Variants in PGBD5 observed in about 807,000 individuals in gnomAD.
The protein encoded by PGBD5 is piggyBac transposable element-derived protein 5.
PGBD5 carries 14 observed loss-of-function variants against 47.9 expected under a neutral mutation model. The observed-to-expected ratio is 0.29, with a 90% CI of 0.19 to 0.46. The LOEUF is 0.46. PGBD5 is among the 20% of genes least tolerant of loss of function. PGBD5 has a pLI of 1.00. For missense variants in PGBD5, 635 were observed against 716.0 expected (o/e 0.89, Z 1.29); for synonymous variants, 316 against 306.3 (o/e 1.03, Z -0.33).
chr1:230,368,602 C>T lies in PGBD5; in HGVS notation c.332-11281G>A, dbSNP rs114385785. ...GGATGATGACTCTTCAGGGCTTGAG[C>T]GTAGTCAGCAGCATCCCTGCAGCAC... On this transcript the variant is annotated intron_variant, in intron 1 of 6. Coordinates refer to ENST00000391860, the MANE Select transcript of PGBD5 (RefSeq NM_001258311.2). 8.5e-3 allele frequency among the ~76,000 whole-genome samples: 1,287 copies of T among 152,280 alleles called. 28 individuals are homozygous for T. Among genetic ancestry groups the T allele is most frequent in the African/African-American group, 0.029 (1,217 of 41,548 alleles).
chr1:230,386,148 G>A (rs1318221340), intron 1 of PGBD5, among the ~76,000 whole-genome samples: 1 of 152,046 alleles, frequency 6.6e-6, no homozygotes, highest in Non-Finnish European at 1.5e-5. Flanking sequence ...GCAACACAGC[G>A]AGACCCCATC....
intron 1 of PGBD5, among the ~76,000 whole-genome samples, chr1:230,411,249 C>A (rs1025105411): frequency 2.6e-5 from 4 of 152,202 alleles, no homozygotes; most frequent in African/African-American, 9.7e-5. Context: ...TGCCATCGCA[C>A]TCCAGCCTGG....
chr1:230,345,865 T>C (rs1262441016), intron 3 of PGBD5, among the ~76,000 whole-genome samples: 1 of 152,212 alleles, frequency 6.6e-6, no homozygotes, highest in East Asian at 1.9e-4. Context: ...GGCTAAACTA[T>C]GCTCTTTGGT....
intron 2 of PGBD5, among the ~76,000 whole-genome samples, chr1:230,352,859 T>G (rs1032862728): frequency 6.6e-6 from 1 of 152,188 alleles, no homozygotes; most frequent in Admixed American, 6.5e-5. Flanking sequence ...GCCCTCTGCC[T>G]GTCCTTTCCC....
chr1:230,383,245 ATT>A (rs551875447), intron 1 of PGBD5, among the ~76,000 whole-genome samples: 1 of 151,408 alleles, frequency 6.6e-6, no homozygotes, highest in Non-Finnish European at 1.5e-5. Context: ...AATTAAAAAA[ATT>A]TTTTTTTGTA....
intron 1 of PGBD5, among the ~76,000 whole-genome samples, chr1:230,397,630 G>A (rs1240012096): frequency 6.6e-6 from 1 of 152,156 alleles, no homozygotes; most frequent in Non-Finnish European, 1.5e-5. Flanking sequence ...AAATAGCTCT[G>A]GGATATTTTT....
At chr1:230,328,081 T>G (rs1250169497) in intron 5 of PGBD5, among the ~76,000 whole-genome samples, 1 of 152,094 alleles carries the variant, frequency 6.6e-6, no homozygotes, top group African/African-American at 2.4e-5. Flanking sequence ...CATTAGTGTC[T>G]CCGGTGAGTC....
chr1:230,378,189 T>TG (rs1219575069), intron 1 of PGBD5, among the ~76,000 whole-genome samples: 1 of 152,206 alleles, frequency 6.6e-6, no homozygotes, highest in Non-Finnish European at 1.5e-5. Context: ...GACCTAGTAT[T>TG]GGACTGCTTC....
At chr1:230,409,322 CAG>C (rs1459304513) in intron 1 of PGBD5, among the ~76,000 whole-genome samples, 4 of 152,276 alleles carry the variant, frequency 2.6e-5, no homozygotes, top group Non-Finnish European at 5.9e-5. Flanking sequence ...ACGTTGAATA[CAG>C]AGTTATCAGA....
At chr1:230,352,296 A>C (rs1667571259) in intron 2 of PGBD5, among the ~76,000 whole-genome samples, 1 of 152,220 alleles carries the variant, frequency 6.6e-6, no homozygotes, top group African/African-American at 2.4e-5. Flanking sequence ...ATTTACAGAA[A>C]AAGTTTGAAC....
Position 230,351,034 on chromosome 1 carries a change from C to T in PGBD5, c.818G>A (p.Arg273Gln), listed in dbSNP as rs745691276. 17 of 1,613,968 alleles carry T rather than the reference C, an allele frequency of 1.1e-5. No homozygotes were observed. Among genetic ancestry groups the T allele is most frequent in the African/African-American group, 5.3e-5 (4 of 74,926 alleles). The change falls in exon 3 of 7, where the codon CGG becomes CAG. Residue 273 changes from arginine (R) to glutamine (Q), a missense_variant. By Grantham distance (43) the Arg-to-Gln change is conservative. Coordinates refer to ENST00000391860, the MANE Select transcript of PGBD5 (RefSeq NM_001258311.2). ...DPVFIATCTE[R>Q]ELRKRKKRKF... ...CCGCTTTTTCCTCTTTCGCAGCTCC[C>T]GCTCTGTGCACGTGGCAATGAATAC...
chr1:230,375,003 G>A (rs142981627), intron 1 of PGBD5, among the ~76,000 whole-genome samples: 6 of 152,174 alleles, frequency 3.9e-5, no homozygotes, highest in African/African-American at 9.7e-5. Flanking sequence ...CCCCGCTCAG[G>A]GGGTGAAATC....
chr1:230,406,789 T>A (rs1173964882), intron 1 of PGBD5, among the ~76,000 whole-genome samples: 1 of 152,220 alleles, frequency 6.6e-6, no homozygotes, highest in African/African-American at 2.4e-5. Context: ...AAAACTCAAC[T>A]ATACCACGTT....
rs1657752595 is a variant in PGBD5 at position 230,425,397 on chromosome 1, C to T, written c.331+201G>A. ...CTGGAAAAGTGCTGGCCACGGCCTC[C>T]GCCTTACCCTCTCCACCCACGGGTT... On this transcript the variant is annotated intron_variant, in intron 1 of 6. Coordinates refer to ENST00000391860, the MANE Select transcript of PGBD5 (RefSeq NM_001258311.2). This position sits in a 1 kb window ranked among gnomAD's most constrained non-coding sequence, Gnocchi z 4.7. 1.3e-5 allele frequency among the ~76,000 whole-genome samples: 2 copies of T among 152,208 alleles called. No homozygotes were observed. Among genetic ancestry groups the T allele is most frequent in the Admixed American group, 1.3e-4 (2 of 15,282 alleles).
rs1288019614 is a variant in PGBD5 at position 230,314,587 on chromosome 1, T to G, written c.*8838A>C. The stretch of plus-strand genomic sequence containing the variant: ...CAAAATGCTTGAATTAAATCTTTTT[T>G]TTTTTTTTTTTTTTTTTTGCCACAT... On this transcript the variant is annotated 3_prime_UTR_variant, in exon 7 of 7. Coordinates refer to ENST00000391860, the MANE Select transcript of PGBD5 (RefSeq NM_001258311.2). 1.4e-5 allele frequency: 2 copies of G among 144,898 alleles called. No homozygotes were observed. The highest frequency in any genetic ancestry group is 5.3e-5 in the African/African-American group (2 of 37,502). The allele number at this position is 144,898 out of a possible 1,614,324, so 9.0% of individuals were successfully genotyped here.
chr1:230,377,558 C>T (rs776483696), intron 1 of PGBD5: 2 of 1,609,276 alleles, frequency 1.2e-6, no homozygotes, highest in Non-Finnish European at 1.7e-6. Context: ...AACTGCAGCT[C>T]AGGTCCTGCA....
At position 230,421,847 on chromosome 1, in the gene PGBD5, C is replaced by T. The variant is rs193274545; in HGVS notation, c.331+3751G>A. Among the ~76,000 whole-genome samples the T allele has an allele frequency of 2.3e-3, 353 of 152,278 alleles. 3 individuals are homozygous for T. Among genetic ancestry groups the T allele is most frequent in the African/African-American group, 8.1e-3 (336 of 41,546 alleles). On this transcript the variant is annotated intron_variant, in intron 1 of 6. Transcript: ENST00000391860. ...TAGGAGCAGCTTCTTATACTTAACA[C>T]CATAGACAGGGTTCCAGGTCTCTGA...
rs558885479 is a variant in PGBD5 at position 230,415,318 on chromosome 1, A to G, written c.331+10280T>C. Among the ~76,000 whole-genome samples the G allele has an allele frequency of 5.0e-4, 76 of 151,336 alleles. 1 individual carries two copies. The highest frequency in any genetic ancestry group is 1.8e-3 in the African/African-American group (76 of 41,248). ...CAAATAAGAAAGATGCCCACTAACC[A>G]CTCTGGGTGATTCCACTTGTTGACA... is the stretch of plus-strand genomic sequence containing the variant. On this transcript the variant is annotated intron_variant, in intron 1 of 6. Coordinates refer to ENST00000391860, the MANE Select transcript of PGBD5 (RefSeq NM_001258311.2).
At position 230,332,924 on chromosome 1, in the gene PGBD5, T is replaced by A; in HGVS notation, c.1193A>T (p.Lys398Met). 6.2e-7 allele frequency: 1 copy of A among 1,614,214 alleles called. No individual in the cohort carries two copies. Among genetic ancestry groups the A allele is most frequent in the Non-Finnish European group, 8.5e-7 (1 of 1,180,022 alleles). The change falls in exon 5 of 7, where the codon AAG becomes ATG. Residue 398 changes from lysine to methionine, a missense_variant. By Grantham distance (95) the Lys-to-Met change is moderately conservative (BLOSUM62 -1). Transcript: ENST00000391860. ...PARGQYQIKM[K>M]GNMSLICWYN... The stretch of plus-strand genomic sequence containing the variant: ...CCAGCAGATCAAGGACATGTTCCCC[T>A]TCATCTTGATTTGGTACTGGCCCCG...
Sources: gnomAD v4.1 joint callset for allele counts (sites outside exome capture counted in the v4.1 genomes callset) on GRCh38, gnomAD v4.1.1 for gene constraint, Gnocchi (gnomAD v3.1) non-coding constraint, MANE v1.5 for transcripts, NCBI Gene and HGNC (gene_info 2026-07-23, HGNC 2026-07-21) for gene names.